The following IQCB1 variants were observed in gnomAD, a reference collection of about 807,000 sequenced individuals.
IQCB1 encodes the protein IQ calmodulin-binding motif-containing protein 1.
IQCB1 carries 56 observed loss-of-function variants against 84.4 expected under a neutral mutation model. That is an observed-to-expected ratio of 0.66 (90% confidence interval 0.54 to 0.83). The LOEUF is 0.83. Ranked by LOEUF, IQCB1 falls within the 40% of genes least tolerant of loss-of-function variation. The pLI is 0.00. For missense variants in IQCB1, 629 were observed against 682.1 expected (o/e 0.92, Z 0.87); for synonymous variants, 210 against 234.8 (o/e 0.89, Z 0.96).
intron 13 of IQCB1, among the ~76,000 whole-genome samples, chr3:121,776,573 A>G (rs1193113664): frequency 6.6e-6 from 1 of 152,104 alleles, no homozygotes; most frequent in Non-Finnish European, 1.5e-5. Flanking sequence ...GAAAAATTTT[A>G]AATTTTTATT....
intron 14 of IQCB1, 23 bp downstream of exon 14, chr3:121,772,534 A>C (rs371978285): frequency 2.5e-4 from 398 of 1,613,710 alleles, no homozygotes; most frequent in Non-Finnish European, 3.3e-4. Flanking sequence ...CTTTTAGAGA[A>C]CGAAAGTAAA....
intron 3 of IQCB1, 109 bp downstream of exon 3, chr3:121,828,752 A>G: frequency 2.0e-6 from 2 of 1,010,214 alleles, no homozygotes; most frequent in Non-Finnish European, 3.1e-6. Context: ...CTGTTCTATT[A>G]TAGTGTTAAG....
At chr3:121,772,804 G>T in intron 13 of IQCB1, 91 bp from the exon 14 acceptor site, 1 of 1,138,532 alleles carries the variant, frequency 8.8e-7, no homozygotes, top group Non-Finnish European at 1.3e-6. Context: ...CTGCTTAGCT[G>T]TCTCTCATTT....
At chr3:121,780,017 A>T (rs1948405908) in intron 13 of IQCB1, among the ~76,000 whole-genome samples, 1 of 152,128 alleles carries the variant, frequency 6.6e-6, no homozygotes, top group Non-Finnish European at 1.5e-5. Flanking sequence ...GCTTTGGATA[A>T]TTTCCTCACA....
rs777390630 is a variant in IQCB1 at position 121,790,164 on chromosome 3, C to T, written c.1038G>A (p.Glu346=). ...LLEINRQKEE[E]DLKLQLQLQR... ...GAAGTTGCAATTGTAATTTGAGGTC[C>T]TCTTCTTCCTTCTGCCTATTTATCT... The change falls in exon 11 of 15, where the codon GAG becomes GAA. Residue 346 remains glutamate, a synonymous_variant. Transcript: ENST00000310864. 1.2e-6 allele frequency: 2 copies of T among 1,613,568 alleles called. No individual in the cohort carries two copies. Among genetic ancestry groups the T allele is most frequent in the Admixed American group, 1.7e-5 (1 of 60,020 alleles).
chr3:121,825,066 T>C (rs1006355030), intron 5 of IQCB1, among the ~76,000 whole-genome samples: 7 of 151,222 alleles, frequency 4.6e-5, no homozygotes, highest in East Asian at 3.9e-4. Flanking sequence ...CTTTTCTTTT[T>C]TTTTTTTTTT....
chr3:121,772,547 G>A lies in IQCB1; in HGVS notation c.1567+10C>T. On this transcript the variant is annotated intron_variant, in intron 14 of 14. Transcript: ENST00000310864. ...TCCTTTTAGAGAACGAAAGTAAAAT[G>A]AGCACATACTCATTAGCTGTTCAAC... 6.2e-7 allele frequency: 1 copy of A among 1,613,942 alleles called. No homozygotes were observed. The highest frequency in any genetic ancestry group is 8.5e-7 in the Non-Finnish European group (1 of 1,179,814).
chr3:121,827,962 A>G (rs1027455591), intron 4 of IQCB1, among the ~76,000 whole-genome samples: 19 of 152,114 alleles, frequency 1.2e-4, no homozygotes, highest in Admixed American at 3.3e-4. Flanking sequence ...TCTAAATTTT[A>G]TTGACAGTAT....
intron 5 of IQCB1, 147 bp downstream of exon 5, chr3:121,825,904 T>C: frequency 2.5e-6 from 2 of 788,380 alleles, no homozygotes; most frequent in Non-Finnish European, 2.0e-6. Context: ...AACATAGAGA[T>C]GATTTTTGGA....
chr3:121,795,420 T>C (rs777522738), intron 10 of IQCB1, 37 bp downstream of exon 10: 5 of 1,024,596 alleles, frequency 4.9e-6, no homozygotes, highest in South Asian at 3.8e-5. Context: ...TCTAGTAAGA[T>C]TCTATGATCA....
At chr3:121,786,170 C>CAAAAGAAAAG (rs778485380) in intron 12 of IQCB1, among the ~76,000 whole-genome samples, 4,305 of 72,878 alleles carry the variant, frequency 0.059, 536 homozygotes, top group South Asian at 0.085. Context: ...GATTCTGTCT[C>CAAAAGAAAAG]AAAAGAAAAG....
intron 13 of IQCB1, among the ~76,000 whole-genome samples, chr3:121,780,658 A>G (rs1948432616): frequency 6.6e-6 from 1 of 152,224 alleles, no homozygotes; most frequent in African/African-American, 2.4e-5. Flanking sequence ...TACCAGATAC[A>G]TGCTCAGCTA....
At chr3:121,789,955 CAG>C in intron 11 of IQCB1, 116 bp downstream of exon 11, 1 of 852,266 alleles carries the variant, frequency 1.2e-6, no homozygotes, top group South Asian at 1.5e-5. Context: ...ATCTGAAAAA[CAG>C]AGAAAAAGGA....
At chr3:121,795,612 A>T (rs1346893946) in intron 9 of IQCB1, 46 bp from the exon 10 acceptor site, 11 of 73,922 alleles carry the variant, frequency 1.5e-4, no homozygotes, top group African/African-American at 4.9e-4. Context: ...GAAGGTCTTT[A>T]AAAAAAAAAA....
intron 12 of IQCB1, among the ~76,000 whole-genome samples, chr3:121,784,937 G>C (rs1948646831): frequency 6.6e-6 from 1 of 152,142 alleles, no homozygotes; most frequent in Non-Finnish European, 1.5e-5. Context: ...GCCTCCCAAA[G>C]TGCTGGGATT....
rs781535643 is a variant in IQCB1 at position 121,797,105 on chromosome 3, T to TG, written c.876+12dup. The TG allele has an allele frequency of 2.9e-6, 4 of 1,390,960 alleles. No individual in the cohort carries two copies. In the African/African-American group the frequency reaches 5.6e-5, roughly 20 times the overall value. The allele number at this position is 1,390,960 out of a possible 1,614,324, so 86.2% of individuals were successfully genotyped here. On this transcript the variant is annotated intron_variant, in intron 9 of 14. Coordinates refer to ENST00000310864, the MANE Select transcript of IQCB1 (RefSeq NM_001023570.4). ...CAAATATCATGCAATTTTTTTTTTT[T>TG]GTAACTTAATACCTGCTCTTCTACT...
At chr3:121,782,103 G>T (rs1282311700) in intron 12 of IQCB1, among the ~76,000 whole-genome samples, 1 of 152,088 alleles carries the variant, frequency 6.6e-6, no homozygotes, top group Admixed American at 6.5e-5. Context: ...TGTGCAGTAA[G>T]CAATGAAGAG....
At chr3:121,812,793 C>T (rs1009226387) in intron 5 of IQCB1, among the ~76,000 whole-genome samples, 5 of 152,164 alleles carry the variant, frequency 3.3e-5, no homozygotes, top group Admixed American at 6.5e-5. Context: ...CATACGATTG[C>T]TTGGTGTACC....
At chr3:121,818,019 T>C (rs1950137464) in intron 5 of IQCB1, among the ~76,000 whole-genome samples, 1 of 152,206 alleles carries the variant, frequency 6.6e-6, no homozygotes, top group African/African-American at 2.4e-5. Context: ...TCTCCAGAAC[T>C]ATAAGAAATA....
Sources: allele counts gnomAD v4.1 joint callset (sites outside exome capture counted in the v4.1 genomes callset), GRCh38; gene constraint gnomAD v4.1.1; transcripts MANE v1.5; gene names NCBI Gene and HGNC (gene_info 2026-07-23, HGNC 2026-07-21).